The following TERB2 variants were observed in gnomAD, a reference collection of about 807,000 sequenced individuals.
TERB2 encodes telomere repeats-binding bouquet formation protein 2.
TERB2 carries 26 observed loss-of-function variants against 29.8 expected under a neutral mutation model. The ratio of observed to expected loss-of-function variants is 0.87; its 90% CI spans 0.64 to 1.21. TERB2 has a LOEUF of 1.21. TERB2 is among the 50% of genes most tolerant of loss of function. The probability of loss-of-function intolerance (pLI) is 0.00; values close to 1 mark genes in which losing one functional copy is unlikely to be tolerated. For missense variants in TERB2, 240 were observed against 268.6 expected (o/e 0.89, Z 0.74); for synonymous variants, 80 against 90.8 (o/e 0.88, Z 0.68).
chr15:44,975,021 A>G (rs1357368147), intron 6 of TERB2, among the ~76,000 whole-genome samples: 1 of 152,210 alleles, frequency 6.6e-6, no homozygotes, highest in Non-Finnish European at 1.5e-5. Flanking sequence ...TGCTGGATAA[A>G]GAAACAGTCT....
In TERB2 at chr15:44,972,887, G is replaced by GTTT. The variant is rs71902044; in HGVS notation, c.435-969_435-967dup. ...TAATTGTATAATTAGAACATCAATT[G>GTTT]TTTTTTTTTTTTTGAGGTGGAGTCT... On this transcript the variant is annotated intron_variant, in intron 5 of 6. Transcript: ENST00000340827. Among the ~76,000 whole-genome samples the GTTT allele has an allele frequency of 5.1e-4, 72 of 141,202 alleles. 1 individual carries two copies. Among genetic ancestry groups the GTTT allele is most frequent in the East Asian group, 1.6e-3 (8 of 4,854 alleles). 92.6% of individuals were successfully genotyped at this position (141,202 alleles called of 152,430 possible). A position where few individuals can be genotyped will look rare whatever the true frequency, so the allele number is the denominator to read the frequency against.
intron 6 of TERB2, among the ~76,000 whole-genome samples, chr15:44,977,641 T>C (rs1460732444): frequency 6.6e-6 from 1 of 152,172 alleles, no homozygotes; most frequent in East Asian, 1.9e-4. Context: ...CGATTGATAG[T>C]TAATTTATTA....
chr15:44,963,253 C>A (rs944219219), intron 4 of TERB2, among the ~76,000 whole-genome samples: 4 of 152,202 alleles, frequency 2.6e-5, no homozygotes, highest in Admixed American at 6.5e-5. Flanking sequence ...ATTTAACTAA[C>A]TTAGCAAACA....
intron 4 of TERB2, among the ~76,000 whole-genome samples, chr15:44,962,481 G>A (rs1293489906): frequency 2.6e-5 from 4 of 151,856 alleles, no homozygotes; most frequent in African/African-American, 7.3e-5. Flanking sequence ...GAGCCACCGC[G>A]CCCTGCCATT....
intron 2 of TERB2, among the ~76,000 whole-genome samples, chr15:44,958,131 T>A (rs1891747566): frequency 6.6e-6 from 1 of 152,142 alleles, no homozygotes; most frequent in Non-Finnish European, 1.5e-5. Flanking sequence ...CCGTTTTAGA[T>A]CAAGTTTCCT....
chr15:44,963,502 G>T (rs1891837675), intron 4 of TERB2, among the ~76,000 whole-genome samples: 1 of 151,984 alleles, frequency 6.6e-6, no homozygotes, highest in African/African-American at 2.4e-5. Flanking sequence ...TAGATTAAGA[G>T]ACATAAAAAA....
At chr15:44,971,528 G>C (rs1891967118) in intron 5 of TERB2, among the ~76,000 whole-genome samples, 1 of 152,154 alleles carries the variant, frequency 6.6e-6, no homozygotes, top group Non-Finnish European at 1.5e-5. Flanking sequence ...GGCCCAGGCA[G>C]GCGGATCACG....
At chr15:44,972,893 T>C (rs558383867) in intron 5 of TERB2, among the ~76,000 whole-genome samples, 1 of 151,868 alleles carries the variant, frequency 6.6e-6, no homozygotes, top group Non-Finnish European at 1.5e-5. Flanking sequence ...AATTGTTTTT[T>C]TTTTTTTGAG....
chr15:44,958,948 G>A (rs963744420), intron 3 of TERB2, among the ~76,000 whole-genome samples: 3 of 152,214 alleles, frequency 2.0e-5, no homozygotes, highest in African/African-American at 7.2e-5. Context: ...GGAAACTGAG[G>A]CGGGCAGATC....
In TERB2 at chr15:44,972,577, G is replaced by A. The variant is rs117981143; in HGVS notation, c.435-1290G>A. Among the ~76,000 whole-genome samples, 976 of 148,854 alleles carry A rather than the reference G, an allele frequency of 6.6e-3. 81 individuals are homozygous for A. The East Asian group carries it at 0.16, about 25-fold the overall frequency. On this transcript the variant is annotated intron_variant, in intron 5 of 6. Transcript: ENST00000340827. ...TCACCTAGGCTAGAGTTCCAGTGGC[G>A]CCATCTCAGCTCACTGCAACCTCCA...
chr15:44,961,750 A>T (rs1891806953), intron 4 of TERB2, among the ~76,000 whole-genome samples, 166 bp downstream of exon 4: 1 of 152,210 alleles, frequency 6.6e-6, no homozygotes, highest in Admixed American at 6.5e-5. Flanking sequence ...CCCAGGCTGG[A>T]GTGTAGCAAC....
intron 4 of TERB2, among the ~76,000 whole-genome samples, chr15:44,965,840 AT>A (rs1566945559): frequency 2.0e-5 from 3 of 151,716 alleles, no homozygotes. Flanking sequence ...ATATAACCAC[AT>A]TAGAGGAAAT....
intron 6 of TERB2, among the ~76,000 whole-genome samples, chr15:44,974,316 A>G (rs1361925360): frequency 6.6e-6 from 1 of 152,212 alleles, no homozygotes; most frequent in African/African-American, 2.4e-5. Flanking sequence ...TGAGAATCTG[A>G]TGAAACATAG....
At chr15:44,972,517 C>CTT (rs5812285) in intron 5 of TERB2, among the ~76,000 whole-genome samples, 3 of 133,996 alleles carry the variant, frequency 2.2e-5, no homozygotes, top group Non-Finnish European at 3.2e-5. Context: ...ATCCTTTTAG[C>CTT]TTTTTTTTTT....
chr15:44,971,641 G>C (rs886720101), intron 5 of TERB2, among the ~76,000 whole-genome samples: 2 of 151,968 alleles, frequency 1.3e-5, no homozygotes, highest in South Asian at 2.1e-4. Context: ...TGTAGTCCCA[G>C]CTACTTGGGA....
At chr15:44,969,683 A>G (rs1042792952) in intron 5 of TERB2, among the ~76,000 whole-genome samples, 2 of 151,522 alleles carry the variant, frequency 1.3e-5, no homozygotes, top group Non-Finnish European at 2.9e-5. Flanking sequence ...AGTCCTAGCT[A>G]CTTGGGAGGC....
chr15:44,957,101 C>A, intron 2 of TERB2, 124 bp downstream of exon 2: 1 of 1,029,068 alleles, frequency 9.7e-7, no homozygotes, highest in Non-Finnish European at 1.4e-6. Context: ...ATAATCCCAG[C>A]TACTGGGAAG....
rs529671031 is a variant in TERB2, at chr15:44,977,864, T to C, written c.524-625T>C. Among the ~76,000 whole-genome samples, 95 of 152,268 alleles carry C rather than the reference T, an allele frequency of 6.2e-4. No homozygotes were observed. The South Asian group carries it at 0.012, about 19-fold the overall frequency. On this transcript the variant is annotated intron_variant, in intron 6 of 6. Coordinates refer to ENST00000340827, the MANE Select transcript of TERB2 (RefSeq NM_152448.3). ...ATGTAATCATTTAAATAGTAAGCAA[T>C]TGATATCAAGTTAATATTGCTTAGT...
At chr15:44,968,155 G>A (rs1891914485) in intron 5 of TERB2, among the ~76,000 whole-genome samples, 2 of 148,410 alleles carry the variant, frequency 1.3e-5, no homozygotes, top group Admixed American at 1.3e-4. Flanking sequence ...TGAAAAATCA[G>A]GCAGTACAGA....
Sources: allele counts gnomAD v4.1 joint callset (sites outside exome capture counted in the v4.1 genomes callset), GRCh38; gene constraint gnomAD v4.1.1; transcripts MANE v1.5; gene names NCBI Gene and HGNC (gene_info 2026-07-23, HGNC 2026-07-21).